PREX1: variants seen among roughly 807,000 people sequenced by gnomAD.
PREX1 encodes phosphatidylinositol-3,4,5-trisphosphate dependent Rac exchange factor 1.
In PREX1, 41 loss-of-function variants were observed where a neutral mutation model predicts 198.3. The observed-to-expected ratio is 0.21, with a 90% CI of 0.16 to 0.27. PREX1 has a LOEUF of 0.27. PREX1 is among the 10% of genes least tolerant of loss of function. The pLI is 1.00. For synonymous variants in PREX1, 843 were observed against 887.2 expected, an observed-to-expected ratio of 0.95 and a Z score of 0.89; for missense variants, 1,620 against 2,200.7, an observed-to-expected ratio of 0.74 and a Z score of 5.28.
chr20:48,722,732 C>G (rs1001134629), intron 5 of PREX1, among the ~76,000 whole-genome samples: 4 of 152,184 alleles, frequency 2.6e-5, no homozygotes, highest in African/African-American at 9.7e-5. Flanking sequence ...GCAAAGGTGG[C>G]AACTGCCCCC....
chr20:48,734,333 G>C (rs577218344), intron 4 of PREX1, among the ~76,000 whole-genome samples: 6 of 152,276 alleles, frequency 3.9e-5, no homozygotes, highest in African/African-American at 1.4e-4. Context: ...GAGCTGAGTC[G>C]TGGTGACAGA....
chr20:48,885,918 T>C, the PREX1 span, among the ~76,000 whole-genome samples: 1 of 151,942 alleles, frequency 6.6e-6, no homozygotes, highest in Non-Finnish European at 1.5e-5. Flanking sequence ...AAGGGAGAGA[T>C]GAATAGTTGG....
At chr20:48,772,394 G>C (rs893886898) in intron 1 of PREX1, among the ~76,000 whole-genome samples, 1 of 152,132 alleles carries the variant, frequency 6.6e-6, no homozygotes, top group Non-Finnish European at 1.5e-5. Context: ...GGTGAATCAG[G>C]CCGGCCCCTG....
chr20:48,728,964 G>C (rs1341521279), intron 4 of PREX1, among the ~76,000 whole-genome samples: 1 of 152,172 alleles, frequency 6.6e-6, no homozygotes, highest in African/African-American at 2.4e-5. Flanking sequence ...AGTTAGATGA[G>C]GCGTCAACCT....
At chr20:48,713,857 T>TA (rs71337452) in intron 5 of PREX1, among the ~76,000 whole-genome samples, 1,122 of 81,710 alleles carry the variant, frequency 0.014, 9 homozygotes, top group Non-Finnish European at 0.018. Flanking sequence ...CCCAGAACTA[T>TA]AAAAAAAAAA....
intron 2 of PREX1, 76 bp downstream of exon 2, chr20:48,747,733 T>C (rs2090115588): frequency 6.8e-7 from 1 of 1,469,448 alleles, no homozygotes. Context: ...GCACACCCTC[T>C]GAGCATCGCA....
chr20:48,883,688 C>T, the PREX1 span, among the ~76,000 whole-genome samples: 1 of 151,938 alleles, frequency 6.6e-6, no homozygotes, highest in Non-Finnish European at 1.5e-5. Context: ...TACAGAAGTA[C>T]AAAACTTATG....
intron 4 of PREX1, among the ~76,000 whole-genome samples, chr20:48,730,003 C>T (rs1408519466): frequency 6.6e-6 from 1 of 152,084 alleles, no homozygotes; most frequent in Non-Finnish European, 1.5e-5. Flanking sequence ...AGCAATGCTG[C>T]CACAAGCCAG....
the PREX1 span, among the ~76,000 whole-genome samples, chr20:48,876,748 G>C: frequency 6.6e-6 from 1 of 152,180 alleles, no homozygotes; most frequent in Non-Finnish European, 1.5e-5. Context: ...AATCTAGATG[G>C]AAGCAGGTAA....
At chr20:48,817,730 T>C (rs185404686) in intron 1 of PREX1, among the ~76,000 whole-genome samples, 1 of 152,328 alleles carries the variant, frequency 6.6e-6, no homozygotes, top group East Asian at 1.9e-4. Flanking sequence ...CCCAGAAGTC[T>C]GCACAAAAAT....
intron 1 of PREX1, among the ~76,000 whole-genome samples, chr20:48,757,564 T>G (rs753464246): frequency 6.6e-6 from 1 of 152,184 alleles, no homozygotes; most frequent in African/African-American, 2.4e-5. Flanking sequence ...AAAATCTGTG[T>G]AATGGAGCCT....
intron 1 of PREX1, among the ~76,000 whole-genome samples, chr20:48,748,638 C>T (rs1345448336): frequency 6.6e-6 from 1 of 152,184 alleles, no homozygotes; most frequent in East Asian, 1.9e-4. Context: ...GGACCATGGT[C>T]CTTCTACCAC....
At chr20:48,738,157 A>C (rs2090065230) in intron 3 of PREX1, among the ~76,000 whole-genome samples, 1 of 152,176 alleles carries the variant, frequency 6.6e-6, no homozygotes, top group African/African-American at 2.4e-5. Context: ...TTCTTCCCAC[A>C]TACCAACCCC....
chr20:48,818,408 T>C (rs2090467869), intron 1 of PREX1, among the ~76,000 whole-genome samples: 1 of 152,226 alleles, frequency 6.6e-6, no homozygotes, highest in Admixed American at 6.5e-5. Context: ...GGGGCAGGTC[T>C]TGTGCGACAT....
intron 1 of PREX1, among the ~76,000 whole-genome samples, chr20:48,812,276 TAAATA>T (rs905423253): frequency 5.3e-5 from 8 of 150,342 alleles, no homozygotes; most frequent in African/African-American, 1.7e-4. Context: ...GAGGAATGGG[TAAATA>T]ACATAAGAGG....
intron 1 of PREX1, among the ~76,000 whole-genome samples, chr20:48,764,402 G>A (rs1455209525): frequency 2.0e-5 from 3 of 152,168 alleles, no homozygotes; most frequent in African/African-American, 2.4e-5. Context: ...AAGGGACTCT[G>A]CAGATGTGAT....
chr20:48,757,235 C>T (rs1056288967), intron 1 of PREX1, among the ~76,000 whole-genome samples: 1 of 152,190 alleles, frequency 6.6e-6, no homozygotes, highest in African/African-American at 2.4e-5. Context: ...CCATCCCCCA[C>T]AGCACTGCCC....
intron 15 of PREX1, among the ~76,000 whole-genome samples, chr20:48,663,546 C>T (rs915505635): frequency 1.1e-4 from 17 of 152,250 alleles, no homozygotes; most frequent in African/African-American, 4.1e-4. Flanking sequence ...AACTATGGCT[C>T]ACCACCTGCT....
At chr20:48,847,896 TC>T in the PREX1 span, among the ~76,000 whole-genome samples, 17 of 152,238 alleles carry the variant, frequency 1.1e-4, no homozygotes, top group Non-Finnish European at 2.9e-5. Flanking sequence ...TTTCTTTCAC[TC>T]AACATAAACA....
Sources: gnomAD v4.1 joint callset for allele counts (sites outside exome capture counted in the v4.1 genomes callset) on GRCh38, gnomAD v4.1.1 for gene constraint, MANE v1.5 for transcripts, NCBI Gene and HGNC (gene_info 2026-07-23, HGNC 2026-07-21) for gene names.